The following TM2D1 variants were observed in gnomAD, a reference collection of about 807,000 sequenced individuals.
The protein encoded by TM2D1 is TM2 domain containing 1.
TM2D1 carries 15 observed loss-of-function variants against 28.4 expected under a neutral mutation model. The ratio of observed to expected loss-of-function variants is 0.53; its 90% CI spans 0.35 to 0.81. TM2D1 has a LOEUF of 0.81. TM2D1 is among the 40% of genes least tolerant of loss of function. The pLI is 0.01. For missense variants in TM2D1, 236 were observed against 254.9 expected, an observed-to-expected ratio of 0.93 and a Z score of 0.50; for synonymous variants, 93 against 96.2, an observed-to-expected ratio of 0.97 and a Z score of 0.20.
At chr1:61,682,794 G>A (rs1644254114) in intron 6 of TM2D1, among the ~76,000 whole-genome samples, 1 of 151,532 alleles carries the variant, frequency 6.6e-6, no homozygotes, top group Non-Finnish European at 1.5e-5. Flanking sequence ...TGGGGAGGCT[G>A]AGGCACGAGA....
intron 2 of TM2D1, among the ~76,000 whole-genome samples, chr1:61,717,367 C>CA (rs767043287): frequency 1.2e-3 from 148 of 121,590 alleles, no homozygotes; most frequent in Middle Eastern, 3.9e-3. Flanking sequence ...GACTCCGCCT[C>CA]AAAAAAAAAA....
intron 2 of TM2D1, among the ~76,000 whole-genome samples, chr1:61,720,302 C>T (rs185375748): frequency 2.0e-5 from 3 of 151,772 alleles, no homozygotes; most frequent in African/African-American, 7.3e-5. Flanking sequence ...AGTGCAGTGG[C>T]GTGACCTCGG....
chr1:61,723,414 A>G (rs1644582135), intron 2 of TM2D1, among the ~76,000 whole-genome samples: 1 of 152,216 alleles, frequency 6.6e-6, no homozygotes, highest in African/African-American at 2.4e-5. Flanking sequence ...TAATTTGGGG[A>G]AAATAAAGTA....
chr1:61,686,026 A>G (rs184881348), intron 5 of TM2D1, among the ~76,000 whole-genome samples: 1 of 152,244 alleles, frequency 6.6e-6, no homozygotes, highest in Admixed American at 6.5e-5. Context: ...AACCAAATTA[A>G]GTCGGTGTGG....
At position 61,707,020 on chromosome 1, in the gene TM2D1, C is replaced by T. The variant is rs535888860; in HGVS notation, c.347+2309G>A. On this transcript the variant is annotated intron_variant, in intron 3 of 6. Coordinates refer to ENST00000606498, the MANE Select transcript of TM2D1 (RefSeq NM_032027.3). Reference sequence around the variant, plus strand: ...CTGTGATCCCAGCACCTTGAGAGCCCGAGGCGGGCTGATCGCTTGAGCCCA... The same window carrying T: ...CTGTGATCCCAGCACCTTGAGAGCCTGAGGCGGGCTGATCGCTTGAGCCCA... Among the ~76,000 whole-genome samples, 10 of 152,214 alleles carry T rather than the reference C, an allele frequency of 6.6e-5. No individual in the cohort carries two copies. In the East Asian group the frequency reaches 7.7e-4, roughly 12 times the overall value.
At chr1:61,697,274 G>A (rs889602776) in intron 4 of TM2D1, among the ~76,000 whole-genome samples, 2 of 151,972 alleles carry the variant, frequency 1.3e-5, no homozygotes, top group Non-Finnish European at 2.9e-5. Flanking sequence ...CAGTGAACTG[G>A]TAAGTTTAAA....
At chr1:61,692,473 G>GAAGAGAGA (rs1039815676) in intron 5 of TM2D1, among the ~76,000 whole-genome samples, 1 of 143,000 alleles carries the variant, frequency 7.0e-6, no homozygotes, top group Admixed American at 7.2e-5. Context: ...AAGGAAGGAA[G>GAAGAGAGA]AAGAGAGAAA....
intron 4 of TM2D1, chr1:61,696,141 T>G (rs1027292242): frequency 6.6e-6 from 1 of 152,170 alleles, no homozygotes; most frequent in Admixed American, 6.5e-5. Flanking sequence ...TCTGCTGAGG[T>G]TTTATCCAGC....
intron 5 of TM2D1, among the ~76,000 whole-genome samples, chr1:61,691,932 A>AAAAAAATACATATATAT: frequency 3.9e-5 from 3 of 76,414 alleles, no homozygotes; most frequent in Admixed American, 1.7e-4. Flanking sequence ...AAAAAAAAAA[A>AAAAAAATACATATATAT]ATATATATAT....
chr1:61,706,272 C>T (rs1270849089), intron 3 of TM2D1, among the ~76,000 whole-genome samples: 4 of 152,062 alleles, frequency 2.6e-5, no homozygotes, highest in Admixed American at 6.6e-5. Flanking sequence ...GCCATGATTT[C>T]GACTCACTGC....
chr1:61,717,932 T>C (rs950364620), intron 2 of TM2D1, among the ~76,000 whole-genome samples: 3 of 152,078 alleles, frequency 2.0e-5, no homozygotes, highest in Non-Finnish European at 4.4e-5. Flanking sequence ...GAGGATCGCT[T>C]GAGTCCTGAA....
In TM2D1 at chr1:61,725,138, T is replaced by C. The variant is rs1644597393; in HGVS notation, c.-18A>G. 1 of 1,613,056 alleles carries C rather than the reference T, an allele frequency of 6.2e-7. No individual in the cohort carries two copies. The highest frequency in any genetic ancestry group is 1.3e-5 in the African/African-American group (1 of 74,920). The stretch of plus-strand genomic sequence containing the variant: ...GCCGCCATCTTGGAGACCGACACTT[T>C]CTCGCCACTTCCGCTTCCGCCTCCG... On this transcript the variant is annotated 5_prime_UTR_variant, in exon 1 of 7. Transcript: ENST00000606498.
At chr1:61,706,965 C>A (rs553274672) in intron 3 of TM2D1, among the ~76,000 whole-genome samples, 1 of 151,070 alleles carries the variant, frequency 6.6e-6, no homozygotes, top group South Asian at 2.1e-4. Context: ...ATATCAATAT[C>A]TTATAAGGGC....
intron 5 of TM2D1, among the ~76,000 whole-genome samples, chr1:61,689,278 T>C (rs1385013698): frequency 4.6e-5 from 7 of 152,096 alleles, no homozygotes; most frequent in Non-Finnish European, 8.8e-5. Context: ...CTTTTAAAAA[T>C]GTTCGTAAAA....
chr1:61,721,415 G>A (rs898948692), intron 2 of TM2D1, among the ~76,000 whole-genome samples: 5 of 151,732 alleles, frequency 3.3e-5, no homozygotes, highest in East Asian at 1.9e-4. Context: ...GGTGGTGCAC[G>A]CCTATAATCC....
chr1:61,685,755 A>G (rs1644280731), intron 5 of TM2D1, among the ~76,000 whole-genome samples: 6 of 152,234 alleles, frequency 3.9e-5, no homozygotes, highest in Admixed American at 3.9e-4. Flanking sequence ...CTGTAATCCC[A>G]CACTTTGGGA....
At chr1:61,701,066 A>G in intron 3 of TM2D1, 41 bp from the exon 4 acceptor site, 1 of 1,499,924 alleles carries the variant, frequency 6.7e-7, no homozygotes, top group Non-Finnish European at 9.2e-7. Flanking sequence ...TTCCAATGTG[A>G]ACATTTTAGA....
intron 5 of TM2D1, among the ~76,000 whole-genome samples, chr1:61,690,456 C>CAAAAAA (rs762550068): frequency 1.1e-3 from 68 of 59,976 alleles, no homozygotes; most frequent in East Asian, 4.5e-3. Context: ...GACTCAGTCT[C>CAAAAAA]AAAAAAAAAA....
chr1:61,683,376 A>G, intron 6 of TM2D1, 41 bp downstream of exon 6: 1 of 632,526 alleles, frequency 1.6e-6, no homozygotes, highest in Non-Finnish European at 2.4e-6. Flanking sequence ...TATGAATAAT[A>G]TACCACTATA....
Sources: gnomAD v4.1 joint callset for allele counts (sites outside exome capture counted in the v4.1 genomes callset) on GRCh38, gnomAD v4.1.1 for gene constraint, MANE v1.5 for transcripts, NCBI Gene and HGNC (gene_info 2026-07-23, HGNC 2026-07-21) for gene names.